The following STK17A variants were observed in gnomAD, a reference collection of about 807,000 sequenced individuals.
STK17A encodes the protein serine/threonine kinase 17a.
STK17A carries 26 observed loss-of-function variants against 43.7 expected under a neutral mutation model. The ratio of observed to expected loss-of-function variants is 0.60; its 90% CI spans 0.44 to 0.83. The LOEUF (loss-of-function observed/expected upper bound fraction) is 0.83. STK17A is among the 40% of genes least tolerant of loss of function. The pLI, the probability that STK17A is intolerant of heterozygous loss-of-function variation, is 0.00. For synonymous variants in STK17A, 191 were observed against 182.5 expected (o/e 1.05, Z -0.38); for missense variants, 476 against 511.6 (o/e 0.93, Z 0.67).
rs1233707345 is a variant in STK17A at position 43,624,583 on chromosome 7, C to T, written c.986C>T (p.Pro329Leu). 6.2e-7 allele frequency: 1 copy of T among 1,614,090 alleles called. No homozygotes were observed. The highest frequency in any genetic ancestry group is 1.7e-5 in the Admixed American group (1 of 60,016). ...TTGACACAGAGCAGTATTCAAGAGC[C>T]TTCTTTCAGGATGGAAAAGGCACTA... Reference protein sequence around the residue: ...PWLTQSSIQEPSFRMEKALEE... With the variant: ...PWLTQSSIQELSFRMEKALEE... The change falls in exon 7 of 7, where the codon CCT (proline) becomes CTT (leucine). Residue 329 changes from proline to leucine, a missense_variant. Physicochemically the swap from Pro to Leu is moderately conservative, Grantham distance 98 (BLOSUM62 -3). This residue lies in a region of STK17A where 110 missense variants were observed against 103.7 expected (regional missense o/e 1.06). Coordinates refer to ENST00000319357, the MANE Select transcript of STK17A (RefSeq NM_004760.3).
intron 1 of STK17A, among the ~76,000 whole-genome samples, chr7:43,584,657 A>C (rs991835391): frequency 6.6e-6 from 1 of 152,178 alleles, no homozygotes; most frequent in African/African-American, 2.4e-5. Flanking sequence ...TAACTTTTGG[A>C]AATAGTTTTT....
intron 2 of STK17A, among the ~76,000 whole-genome samples, chr7:43,602,893 TGCAGTCAATA>T (rs67260229): frequency 0.14 from 22,016 of 152,090 alleles, 2,134 homozygotes; most frequent in Non-Finnish European, 0.21. Flanking sequence ...TCAGTATCAG[TGCAGTCAATA>T]GCAGTCAATA....
At position 43,625,748 on chromosome 7, in the gene STK17A, T is replaced by C. The variant is rs911057366; in HGVS notation, c.*906T>C. ...TTGTCCCAAAGTGAGTAAAATCCCC[T>C]AGAGCAGAGAGAGAGAGAGAGAGAG... On this transcript the variant is annotated 3_prime_UTR_variant, in exon 7 of 7. Transcript: ENST00000319357. 3.5e-5 allele frequency: 3 copies of C among 85,478 alleles called. No individual in the cohort carries two copies. The highest frequency in any genetic ancestry group is 1.7e-4 in the African/African-American group (3 of 17,840). The allele number at this position is 85,478 out of a possible 1,614,324, so 5.3% of individuals were successfully genotyped here. A position where few individuals can be genotyped will look rare whatever the true frequency, so the allele number is the denominator to read the frequency against.
intron 3 of STK17A, among the ~76,000 whole-genome samples, chr7:43,613,712 C>T (rs925977872): frequency 6.6e-6 from 1 of 152,100 alleles, no homozygotes; most frequent in Non-Finnish European, 1.5e-5. Context: ...GCCATGGTGG[C>T]ACGCGCCTTT....
chr7:43,595,267 CTTT>C lies in STK17A; in HGVS notation c.207-616_207-614del, dbSNP rs57811536. Reference sequence around the variant, plus strand: ...CAATTTCTATTAAAAAATCAAATGGCTTTTTTTTTTTTTTTTTTTTCCCCCCTG... The same window carrying C: ...CAATTTCTATTAAAAAATCAAATGGCTTTTTTTTTTTTTTTTTCCCCCCTG... On this transcript the variant is annotated intron_variant, in intron 1 of 6. Transcript: ENST00000319357. 7.0e-4 allele frequency among the ~76,000 whole-genome samples: 62 copies of C among 88,358 alleles called. 1 individual carries two copies. The highest frequency in any genetic ancestry group is 2.0e-3 in the African/African-American group (55 of 27,836). 58.0% of individuals were successfully genotyped at this position (88,358 alleles called of 152,430 possible).
intron 3 of STK17A, among the ~76,000 whole-genome samples, chr7:43,616,012 T>C (rs1187927873): frequency 6.6e-6 from 1 of 152,154 alleles, no homozygotes; most frequent in East Asian, 1.9e-4. Flanking sequence ...ACCTGAGGTG[T>C]ACTTATTTGT....
At chr7:43,596,449 G>C (rs1199840893) in intron 2 of STK17A, among the ~76,000 whole-genome samples, 1 of 152,136 alleles carries the variant, frequency 6.6e-6, no homozygotes, top group Non-Finnish European at 1.5e-5. Flanking sequence ...CTTATAGTCT[G>C]AGTTAATCTC....
At chr7:43,595,267 CTT>C (rs57811536) in intron 1 of STK17A, among the ~76,000 whole-genome samples, 1,357 of 88,362 alleles carry the variant, frequency 0.015, 10 homozygotes, top group Middle Eastern at 0.033. Flanking sequence ...AATCAAATGG[CTT>C]TTTTTTTTTT....
intron 2 of STK17A, among the ~76,000 whole-genome samples, chr7:43,596,868 A>AC (rs1491419272): frequency 7.8e-5 from 2 of 25,656 alleles, no homozygotes; most frequent in Non-Finnish European, 2.2e-4. Context: ...ACTCCATCTC[A>AC]AAAAAAAAAA....
intron 2 of STK17A, among the ~76,000 whole-genome samples, chr7:43,602,940 G>A (rs2082565286): frequency 6.6e-6 from 1 of 152,052 alleles, no homozygotes; most frequent in Non-Finnish European, 1.5e-5. Flanking sequence ...GCCCTATTAA[G>A]GCCTGTTTTT....
At chr7:43,623,286 A>C (rs2084111901) in intron 4 of STK17A, 1 of 333,712 alleles carries the variant, frequency 3.0e-6, no homozygotes, top group African/African-American at 2.2e-5. Flanking sequence ...AATGCTTAAT[A>C]ACACAGAGAT....
At chr7:43,607,010 G>C (rs1383895045) in intron 2 of STK17A, among the ~76,000 whole-genome samples, 1 of 125,752 alleles carries the variant, frequency 8.0e-6, no homozygotes, top group African/African-American at 3.1e-5. Context: ...CCCAACTTCT[G>C]CCTCCCAGGT....
intron 2 of STK17A, among the ~76,000 whole-genome samples, chr7:43,603,001 AG>A (rs755050191): frequency 3.3e-5 from 5 of 152,152 alleles, no homozygotes; most frequent in Non-Finnish European, 7.4e-5. Flanking sequence ...GAAACCTCGA[AG>A]TTATCCTTAA....
At chr7:43,605,748 G>T (rs1195646398) in intron 2 of STK17A, among the ~76,000 whole-genome samples, 1 of 151,912 alleles carries the variant, frequency 6.6e-6, no homozygotes, top group Non-Finnish European at 1.5e-5. Flanking sequence ...TTTTCTCACA[G>T]CTCATGGTCC....
chr7:43,603,737 C>T (rs1028615523), intron 2 of STK17A, among the ~76,000 whole-genome samples: 5 of 152,188 alleles, frequency 3.3e-5, no homozygotes, highest in African/African-American at 1.2e-4. Context: ...TAAGTGTAAA[C>T]TTGCTGTGAT....
chr7:43,588,272 A>G (rs2082456431), intron 1 of STK17A, among the ~76,000 whole-genome samples: 1 of 151,522 alleles, frequency 6.6e-6, no homozygotes, highest in Non-Finnish European at 1.5e-5. Flanking sequence ...TAAAGATGTA[A>G]TTTTGTATAG....
At chr7:43,622,756 A>G (rs1383920860) in intron 4 of STK17A, 1 of 151,212 alleles carries the variant, frequency 6.6e-6, no homozygotes, top group Non-Finnish European at 1.5e-5. Context: ...GCTGGAGTGC[A>G]CTGGCACTAT....
At chr7:43,598,085 G>T (rs891869768) in intron 2 of STK17A, among the ~76,000 whole-genome samples, 2 of 152,076 alleles carry the variant, frequency 1.3e-5, no homozygotes, top group Non-Finnish European at 2.9e-5. Context: ...AAAACAGAGA[G>T]TAATAACATA....
Position 43,583,122 on chromosome 7 carries a change from G to T in STK17A, c.-122G>T, listed in dbSNP as rs2082410739. 1.8e-6 allele frequency: 2 copies of T among 1,093,222 alleles called. No individual in the cohort carries two copies. The highest frequency in any genetic ancestry group is 1.7e-5 in the African/African-American group (1 of 59,996). The allele number at this position is 1,093,222 out of a possible 1,614,324, so 67.7% of individuals were successfully genotyped here. A position where few individuals can be genotyped will look rare whatever the true frequency, so the allele number is the denominator to read the frequency against. On this transcript the variant is annotated 5_prime_UTR_variant, in exon 1 of 7. Transcript: ENST00000319357. ...GTCTGCCTGCCGCAGTCCGAGCGCC[G>T]CGCTGGGGAGAGCGGGTGTTTGAAG... is the stretch of plus-strand genomic sequence containing the variant.
Sources: gnomAD v4.1 joint callset for allele counts (sites outside exome capture counted in the v4.1 genomes callset) on GRCh38, gnomAD v4.1.1 for gene constraint, gnomAD v4.1.1 regional missense constraint, MANE v1.5 for transcripts, NCBI Gene and HGNC (gene_info 2026-07-23, HGNC 2026-07-21) for gene names.